MYRIP: variants seen among roughly 807,000 people sequenced by gnomAD.
MYRIP encodes the protein myosin VIIA and Rab interacting protein.
In MYRIP, 49 loss-of-function variants were observed where a neutral mutation model predicts 98.0. That is an observed-to-expected ratio of 0.50 (90% confidence interval 0.40 to 0.63). The LOEUF (loss-of-function observed/expected upper bound fraction) is 0.63. Among genes scored for constraint, MYRIP ranks in the 30% least tolerant of loss-of-function variants. MYRIP has a pLI of 0.00. For synonymous variants in MYRIP, 404 were observed against 409.5 expected, an observed-to-expected ratio of 0.99 and a Z score of 0.16; for missense variants, 1,004 against 1,058.2, an observed-to-expected ratio of 0.95 and a Z score of 0.71.
At chr3:40,050,717 T>C (rs1462849308) in intron 3 of MYRIP, among the ~76,000 whole-genome samples, 1 of 152,174 alleles carries the variant, frequency 6.6e-6, no homozygotes, top group Non-Finnish European at 1.5e-5. Context: ...AACAAACCTT[T>C]TGGAAAGGAT....
At chr3:40,071,771 G>A (rs1948236692) in intron 3 of MYRIP, among the ~76,000 whole-genome samples, 1 of 152,130 alleles carries the variant, frequency 6.6e-6, no homozygotes. Context: ...TGAGAAGACA[G>A]GACATATAAA....
Position 40,120,996 on chromosome 3 carries a change from G to A in MYRIP, c.333-30052G>A, listed in dbSNP as rs1949391158. On this transcript the variant is annotated intron_variant, in intron 3 of 16. Coordinates refer to ENST00000302541, the MANE Select transcript of MYRIP (RefSeq NM_015460.4). ...AGTCGAGCTCACTGAACCATACAGA[G>A]AGGAATGAATCAAGCATGAGGGTGG... Among the ~76,000 whole-genome samples the A allele has an allele frequency of 2.0e-5, 3 of 152,134 alleles. No homozygotes were observed. In the South Asian group the frequency reaches 6.2e-4, roughly 32 times the overall value.
chr3:40,137,132 G>A (rs921516203), intron 3 of MYRIP, among the ~76,000 whole-genome samples: 1 of 152,252 alleles, frequency 6.6e-6, no homozygotes, highest in Non-Finnish European at 1.5e-5. Flanking sequence ...TTGATAGACT[G>A]CTAGCAAGAC....
intron 1 of MYRIP, among the ~76,000 whole-genome samples, chr3:39,857,251 G>GGAAGGAAGGAAGGA (rs1553639779): frequency 6.5e-5 from 3 of 46,260 alleles, no homozygotes; most frequent in East Asian, 6.9e-4. Flanking sequence ...AGGAGGGAGG[G>GGAAGGAAGGAAGGA]AGGGAGGAAG....
intron 1 of MYRIP, among the ~76,000 whole-genome samples, chr3:39,856,647 A>C (rs1182646121): frequency 2.0e-5 from 3 of 152,216 alleles, no homozygotes; most frequent in Non-Finnish European, 4.4e-5. Flanking sequence ...AGCCTTGGCC[A>C]GCTTCAGATC....
At chr3:40,041,022 G>GA in intron 2 of MYRIP, among the ~76,000 whole-genome samples, 10,397 of 41,056 alleles carry the variant, frequency 0.25, 1,248 homozygotes, top group East Asian at 0.32. Flanking sequence ...ATTACCAGCA[G>GA]AAAAAAAAAA....
intron 2 of MYRIP, among the ~76,000 whole-genome samples, chr3:39,924,852 C>A (rs9821604): frequency 1.3e-5 from 2 of 151,630 alleles, no homozygotes; most frequent in Non-Finnish European, 2.9e-5. Flanking sequence ...TAGCACACTT[C>A]TAAATAATCC....
chr3:39,932,602 G>A (rs1944566797), intron 2 of MYRIP, among the ~76,000 whole-genome samples: 1 of 151,948 alleles, frequency 6.6e-6, no homozygotes, highest in African/African-American at 2.4e-5. Context: ...AGCCAGGATG[G>A]TCTCGATCTC....
intron 2 of MYRIP, among the ~76,000 whole-genome samples, chr3:39,924,498 A>T (rs1381661254): frequency 1.3e-5 from 2 of 152,088 alleles, no homozygotes; most frequent in African/African-American, 4.8e-5. Flanking sequence ...AAATTGGTAG[A>T]ACTAACACTG....
chr3:39,952,503 C>T (rs1157959424), intron 2 of MYRIP, among the ~76,000 whole-genome samples: 2 of 152,040 alleles, frequency 1.3e-5, no homozygotes, highest in African/African-American at 4.8e-5. Context: ...TGTTACAAAT[C>T]CCACTTAATC....
At chr3:40,007,958 C>T (rs1219816495) in intron 2 of MYRIP, among the ~76,000 whole-genome samples, 1 of 152,184 alleles carries the variant, frequency 6.6e-6, no homozygotes, top group East Asian at 1.9e-4. Flanking sequence ...TTGACAAGAA[C>T]ACCCAGACCT....
intron 2 of MYRIP, among the ~76,000 whole-genome samples, chr3:40,024,497 G>C (rs182979834): frequency 6.6e-6 from 1 of 151,906 alleles, no homozygotes; most frequent in African/African-American, 2.4e-5. Flanking sequence ...TCTACTTCAC[G>C]TGTTTCCACT....
At chr3:40,115,498 A>T (rs1009003997) in intron 3 of MYRIP, among the ~76,000 whole-genome samples, 1 of 152,190 alleles carries the variant, frequency 6.6e-6, no homozygotes, top group Admixed American at 6.5e-5. Flanking sequence ...CACTATCACA[A>T]GAACAGCATG....
chr3:39,827,410 G>A (rs1419667756), intron 1 of MYRIP, among the ~76,000 whole-genome samples: 2 of 152,176 alleles, frequency 1.3e-5, no homozygotes, highest in Admixed American at 6.5e-5. Context: ...ACCGCATCAA[G>A]CCAGGTCTTA....
chr3:40,215,705 C>A (rs1952098944), intron 11 of MYRIP, among the ~76,000 whole-genome samples: 1 of 152,190 alleles, frequency 6.6e-6, no homozygotes, highest in Non-Finnish European at 1.5e-5. Context: ...GGCTACAGCA[C>A]CCTACAACCC....
intron 2 of MYRIP, among the ~76,000 whole-genome samples, chr3:40,014,072 G>C (rs546185575): frequency 2.0e-4 from 30 of 152,280 alleles, no homozygotes; most frequent in Non-Finnish European, 4.0e-4. Flanking sequence ...TTGTATACTT[G>C]ATGTTTAGGA....
chr3:39,979,650 C>CAAAA (rs1400253573), intron 2 of MYRIP, among the ~76,000 whole-genome samples: 1 of 79,036 alleles, frequency 1.3e-5, no homozygotes, highest in South Asian at 3.9e-4. Context: ...AAAACCAAAA[C>CAAAA]AAAACAAAAA....
intron 11 of MYRIP, chr3:40,233,104 T>C (rs1952710753): frequency 6.6e-6 from 1 of 152,206 alleles, no homozygotes; most frequent in Admixed American, 6.5e-5. Flanking sequence ...AAAGGGGCAT[T>C]AGATGCACCA....
Position 40,166,931 on chromosome 3 carries a change from T to C in MYRIP, c.636T>C (p.Tyr212=), listed in dbSNP as rs1306726046. 1 of 1,613,458 alleles carries C rather than the reference T, an allele frequency of 6.2e-7. No homozygotes were observed. The highest frequency in any genetic ancestry group is 1.1e-5 in the South Asian group (1 of 91,046). ...AAGCAATTTCCAAAGCAGAGGCATA[T>C]GGGGACAGCCTGGTAGGGCCCCTCC... The part of the protein sequence containing the change: ...IEEAISKAEA[Y]GDSLDKQNEA... The change falls in exon 6 of 17, where the codon TAT becomes TAC. Residue 212 remains tyrosine (Y), a synonymous_variant. Transcript: ENST00000302541.
Sources: gnomAD v4.1 joint callset for allele counts (sites outside exome capture counted in the v4.1 genomes callset) on GRCh38, gnomAD v4.1.1 for gene constraint, MANE v1.5 for transcripts, NCBI Gene and HGNC (gene_info 2026-07-23, HGNC 2026-07-21) for gene names.